NRXN1: variants seen among roughly 807,000 people sequenced by gnomAD.
NRXN1 encodes neurexin-1.
A neutral mutation model predicts 150.9 loss-of-function variants in NRXN1; 39 were observed. The ratio of observed to expected loss-of-function variants is 0.26; its 90% CI spans 0.20 to 0.34. The LOEUF (loss-of-function observed/expected upper bound fraction) is 0.34, where lower values mean the gene tolerates loss of function less well. NRXN1 is among the 10% of genes least tolerant of loss of function. The pLI is 1.00. For synonymous variants in NRXN1, 924 were observed against 757.0 expected (o/e 1.22, Z -3.62); for missense variants, 1,815 against 1,949.9 (o/e 0.93, Z 1.30).
rs112638127 is a variant in NRXN1, at chr2:50,472,460, T to C, written c.3082A>G (p.Ile1028Val). ...TATGTTTCTTTAGCTACTCCTCCTA[T>C]ATATAAGTCACCTGCAAGAAGATCA... is the stretch of plus-strand genomic sequence containing the variant. ...RNLDLKSDLY[I>V]GGVAKETYKS... is the part of the protein sequence containing the mutation. Residue 1028 changes from isoleucine to valine, a missense_variant, in exon 16 of 23, where the codon ATA becomes GTA. Ile to Val is a conservative substitution (Grantham distance 29). Coordinates refer to ENST00000401669, the MANE Select transcript of NRXN1 (RefSeq NM_001330078.2). The C allele has an allele frequency of 2.2e-5, 36 of 1,610,568 alleles. No individual in the cohort carries two copies. Among genetic ancestry groups the C allele is most frequent in the African/African-American group, 9.4e-5 (7 of 74,718 alleles).
intron 17 of NRXN1, among the ~76,000 whole-genome samples, chr2:50,363,819 T>C (rs745514457): frequency 1.2e-4 from 18 of 152,152 alleles, no homozygotes; most frequent in African/African-American, 2.7e-4. Flanking sequence ...CTATTCACAA[T>C]AGCAAAGACT....
intron 12 of NRXN1, among the ~76,000 whole-genome samples, chr2:50,519,811 A>G (rs1440675420): frequency 2.0e-5 from 3 of 151,934 alleles, no homozygotes; most frequent in African/African-American, 7.2e-5. Context: ...ATCACTGAAG[A>G]ATCATGGTAT....
At chr2:50,382,126 A>C (rs1286160629) in intron 17 of NRXN1, among the ~76,000 whole-genome samples, 1 of 151,630 alleles carries the variant, frequency 6.6e-6, no homozygotes, top group Admixed American at 6.6e-5. Context: ...AAGACCTATT[A>C]CTCTATTTAT....
intron 2 of NRXN1, among the ~76,000 whole-genome samples, chr2:51,001,783 T>A (rs1326396239): frequency 2.0e-5 from 3 of 151,984 alleles, no homozygotes; most frequent in African/African-American, 7.2e-5. Flanking sequence ...TATAACAGTT[T>A]GGCATGCTGA....
chr2:50,862,097 G>A (rs1676221834), intron 5 of NRXN1, among the ~76,000 whole-genome samples: 1 of 151,786 alleles, frequency 6.6e-6, no homozygotes, highest in African/African-American at 2.4e-5. Context: ...AGCTACATGG[G>A]AGGCTGAGGC....
intron 8 of NRXN1, among the ~76,000 whole-genome samples, chr2:50,594,989 C>A (rs1462882783): frequency 6.6e-6 from 1 of 150,508 alleles, no homozygotes; most frequent in South Asian, 2.1e-4. Context: ...TAAGAGTTGA[C>A]CTCTCTTCTT....
chr2:50,143,620 T>A (rs1039397858), intron 18 of NRXN1, among the ~76,000 whole-genome samples: 2 of 151,980 alleles, frequency 1.3e-5, no homozygotes, highest in African/African-American at 4.8e-5. Context: ...CTCCCATTCA[T>A]AATATCACTC....
intron 17 of NRXN1, among the ~76,000 whole-genome samples, chr2:50,358,606 A>G (rs1418390286): frequency 2.0e-5 from 3 of 152,190 alleles, no homozygotes; most frequent in South Asian, 4.1e-4. Context: ...TAAAACTCCC[A>G]TCTCCCTGGG....
intron 8 of NRXN1, among the ~76,000 whole-genome samples, chr2:50,579,309 G>C (rs1671898423): frequency 6.6e-6 from 1 of 152,126 alleles, no homozygotes; most frequent in Non-Finnish European, 1.5e-5. Context: ...TGACTAAATA[G>C]GAAAGCCTGT....
intron 2 of NRXN1, among the ~76,000 whole-genome samples, chr2:50,949,555 C>G (rs1690959162): frequency 6.6e-6 from 1 of 152,018 alleles, no homozygotes; most frequent in Non-Finnish European, 1.5e-5. Context: ...AAATCATTCT[C>G]ACTCTCATTC....
chr2:50,982,490 T>C (rs927915677), intron 2 of NRXN1, among the ~76,000 whole-genome samples: 2 of 152,194 alleles, frequency 1.3e-5, no homozygotes, highest in African/African-American at 4.8e-5. Flanking sequence ...AAAAGGCCTG[T>C]TCATATTACT....
chr2:50,358,911 C>T (rs1356906306), intron 17 of NRXN1, among the ~76,000 whole-genome samples: 2 of 152,224 alleles, frequency 1.3e-5, no homozygotes, highest in African/African-American at 4.8e-5. Flanking sequence ...TACTGTTCCA[C>T]AGCCTCCACT....
At chr2:50,779,968 A>G (rs916940014) in intron 5 of NRXN1, among the ~76,000 whole-genome samples, 2 of 152,026 alleles carry the variant, frequency 1.3e-5, no homozygotes, top group African/African-American at 4.8e-5. Flanking sequence ...GTTTAAAATA[A>G]TTTACACTCC....
chr2:50,926,381 G>A (rs1686890101), intron 2 of NRXN1, among the ~76,000 whole-genome samples: 1 of 151,974 alleles, frequency 6.6e-6, no homozygotes, highest in Non-Finnish European at 1.5e-5. Context: ...AAAGAGCTAT[G>A]AAATTTCACT....
chr2:50,749,948 T>C (rs1203691287), intron 5 of NRXN1, among the ~76,000 whole-genome samples: 4 of 152,056 alleles, frequency 2.6e-5, no homozygotes, highest in African/African-American at 9.7e-5. Flanking sequence ...TTACAGGGTA[T>C]GCTTAAAGGC....
chr2:50,214,628 C>T (rs973887179), intron 18 of NRXN1, among the ~76,000 whole-genome samples: 1 of 151,962 alleles, frequency 6.6e-6, no homozygotes, highest in African/African-American at 2.4e-5. Context: ...TAGCTACTTT[C>T]AACTCTTAAA....
intron 18 of NRXN1, among the ~76,000 whole-genome samples, chr2:50,215,772 T>C (rs1237933044): frequency 2.0e-5 from 3 of 152,112 alleles, no homozygotes; most frequent in Non-Finnish European, 4.4e-5. Context: ...TATTGTTAAA[T>C]AGTCAAACTT....
intron 5 of NRXN1, among the ~76,000 whole-genome samples, chr2:50,888,143 C>A (rs1320079502): frequency 2.0e-5 from 3 of 151,488 alleles, no homozygotes; most frequent in Non-Finnish European, 4.4e-5. Context: ...TTCTTAAAAA[C>A]TGGGAGAATG....
At chr2:50,333,041 G>C (rs1553456486) in intron 17 of NRXN1, among the ~76,000 whole-genome samples, 1 of 152,094 alleles carries the variant, frequency 6.6e-6, no homozygotes, top group Non-Finnish European at 1.5e-5. Flanking sequence ...AATCCATTTT[G>C]TTTTTTTCTA....
Sources: gnomAD v4.1 joint callset for allele counts (sites outside exome capture counted in the v4.1 genomes callset) on GRCh38, gnomAD v4.1.1 for gene constraint, MANE v1.5 for transcripts, NCBI Gene and HGNC (gene_info 2026-07-23, HGNC 2026-07-21) for gene names.